The following AUTS2 variants were observed in gnomAD, a reference collection of about 807,000 sequenced individuals.
The protein encoded by AUTS2 is activator of transcription and developmental regulator AUTS2.
AUTS2 carries 17 observed loss-of-function variants against 112.4 expected under a neutral mutation model. The ratio of observed to expected loss-of-function variants is 0.15; its 90% confidence interval spans 0.10 to 0.23. The LOEUF (loss-of-function observed/expected upper bound fraction) is 0.23, where lower values mean the gene tolerates loss of function less well. AUTS2 is among the 10% of genes least tolerant of loss of function. The probability of loss-of-function intolerance (pLI) is 1.00; values close to 1 mark genes in which losing one functional copy is unlikely to be tolerated. For missense variants in AUTS2, 1,510 were observed against 1,701.6 expected (o/e 0.89, Z 1.98); for synonymous variants, 751 against 702.7 (o/e 1.07, Z -1.09).
chr7:70,096,244 T>A (rs907356867), intron 2 of AUTS2, among the ~76,000 whole-genome samples: 1 of 152,122 alleles, frequency 6.6e-6, no homozygotes, highest in Non-Finnish European at 1.5e-5. Flanking sequence ...ATAATATGAA[T>A]GTATTAGATC....
chr7:69,964,388 T>C (rs895723292), intron 2 of AUTS2, among the ~76,000 whole-genome samples: 6 of 152,190 alleles, frequency 3.9e-5, no homozygotes, highest in Non-Finnish European at 5.9e-5. Flanking sequence ...GTGCACACTA[T>C]CCTTAGGCAT....
At chr7:70,135,549 G>A (rs1193366956) in intron 4 of AUTS2, among the ~76,000 whole-genome samples, 2 of 151,972 alleles carry the variant, frequency 1.3e-5, no homozygotes, top group Admixed American at 6.6e-5. Flanking sequence ...TTCTGCCCAC[G>A]TATTTCTCTC....
chr7:70,397,354 C>G (rs560091847), intron 4 of AUTS2, among the ~76,000 whole-genome samples: 1 of 151,996 alleles, frequency 6.6e-6, no homozygotes, highest in Admixed American at 6.5e-5. Context: ...CATGAGCCAC[C>G]GAGCCCAGCC....
intron 4 of AUTS2, among the ~76,000 whole-genome samples, chr7:70,253,070 C>T (rs1786684062): frequency 6.6e-6 from 1 of 151,960 alleles, no homozygotes; most frequent in Non-Finnish European, 1.5e-5. Flanking sequence ...TCCTATTTTC[C>T]TAAGCAGTCT....
chr7:70,157,133 T>C (rs1430757482), intron 4 of AUTS2, among the ~76,000 whole-genome samples: 1 of 151,954 alleles, frequency 6.6e-6, no homozygotes, highest in East Asian at 1.9e-4. Context: ...ACTGCATTTT[T>C]CTATAATTTT....
chr7:69,669,847 G>C (rs1207605460), intron 1 of AUTS2, among the ~76,000 whole-genome samples: 2 of 151,592 alleles, frequency 1.3e-5, no homozygotes, highest in African/African-American at 4.8e-5. Flanking sequence ...TTCACTTATT[G>C]AACTCATTTA....
intron 6 of AUTS2, among the ~76,000 whole-genome samples, chr7:70,762,427 C>T (rs987884170): frequency 6.6e-6 from 1 of 152,000 alleles, no homozygotes; most frequent in South Asian, 2.1e-4. Flanking sequence ...CACACCACCA[C>T]ACCTGGCTAA....
intron 1 of AUTS2, among the ~76,000 whole-genome samples, chr7:69,776,594 T>C (rs1402814586): frequency 6.6e-6 from 1 of 152,134 alleles, no homozygotes; most frequent in Non-Finnish European, 1.5e-5. Flanking sequence ...TAAATAAAAA[T>C]ATTTTGTAGA....
intron 2 of AUTS2, among the ~76,000 whole-genome samples, chr7:70,043,711 G>C (rs1012232103): frequency 1.3e-5 from 2 of 151,442 alleles, no homozygotes; most frequent in African/African-American, 4.9e-5. Context: ...CTGAGTTCAA[G>C]CAATTCTCCT....
intron 4 of AUTS2, among the ~76,000 whole-genome samples, chr7:70,184,830 C>T (rs1201135520): frequency 6.6e-6 from 1 of 152,106 alleles, no homozygotes; most frequent in Non-Finnish European, 1.5e-5. Flanking sequence ...ATTTATAATA[C>T]AAAATTTCTT....
At chr7:70,620,423 C>G (rs11772435) in intron 5 of AUTS2, among the ~76,000 whole-genome samples, 71,360 of 151,888 alleles carry the variant, frequency 0.47, 17,370 homozygotes, top group Middle Eastern at 0.53. Context: ...TGCTGAAGAC[C>G]ACATCTTATG....
chr7:70,204,039 A>G (rs1490266006), intron 4 of AUTS2, among the ~76,000 whole-genome samples: 1 of 151,298 alleles, frequency 6.6e-6, no homozygotes, highest in Admixed American at 6.6e-5. Context: ...GTCCACACAC[A>G]TATACACAAC....
chr7:70,562,903 C>T (rs890527224), intron 5 of AUTS2, among the ~76,000 whole-genome samples: 12 of 152,024 alleles, frequency 7.9e-5, no homozygotes, highest in Non-Finnish European at 1.0e-4. Context: ...GTTGAAATGA[C>T]GAGAAATGTT....
At chr7:70,259,477 G>A (rs1787054001) in intron 4 of AUTS2, among the ~76,000 whole-genome samples, 1 of 152,168 alleles carries the variant, frequency 6.6e-6, no homozygotes, top group African/African-American at 2.4e-5. Context: ...GACCTGGCAT[G>A]CCCATTGAGA....
intron 4 of AUTS2, among the ~76,000 whole-genome samples, chr7:70,178,266 A>G (rs559706128): frequency 6.6e-6 from 1 of 152,080 alleles, no homozygotes; most frequent in Non-Finnish European, 1.5e-5. Context: ...TTTAAGAGAA[A>G]TATGAATGGC....
At chr7:69,651,180 G>A (rs1226227674) in intron 1 of AUTS2, among the ~76,000 whole-genome samples, 2 of 152,196 alleles carry the variant, frequency 1.3e-5, no homozygotes, top group Non-Finnish European at 1.5e-5. Flanking sequence ...ACAGTGTGAG[G>A]AACGGGGTGT....
At chr7:70,716,636 C>CAAAAAAAAAAAAAAAAAA (rs34972760) in intron 6 of AUTS2, among the ~76,000 whole-genome samples, 1 of 64,950 alleles carries the variant, frequency 1.5e-5, no homozygotes, top group Non-Finnish European at 2.8e-5. Flanking sequence ...GACTCCGTCT[C>CAAAAAAAAAAAAAAAAAA]AAAAAAAAAA....
At chr7:70,770,981 G>A (rs1790301164) in intron 10 of AUTS2, among the ~76,000 whole-genome samples, 1 of 151,780 alleles carries the variant, frequency 6.6e-6, no homozygotes, top group Admixed American at 6.6e-5. Flanking sequence ...TTAGATGAGA[G>A]AATTAAATTG....
chr7:69,716,242 GTC>G (rs1798605969), intron 1 of AUTS2, among the ~76,000 whole-genome samples: 2 of 151,748 alleles, frequency 1.3e-5, no homozygotes, highest in Non-Finnish European at 2.9e-5. Flanking sequence ...GTGTGTGTGT[GTC>G]TGTGTGTGTG....
Sources: gnomAD v4.1 joint callset for allele counts (sites outside exome capture counted in the v4.1 genomes callset) on GRCh38, gnomAD v4.1.1 for gene constraint, MANE v1.5 for transcripts, NCBI Gene and HGNC (gene_info 2026-07-23, HGNC 2026-07-21) for gene names.